The following SVOPL variants were observed in gnomAD, a reference collection of about 807,000 sequenced individuals.
SVOPL encodes the protein putative transporter SVOPL.
SVOPL carries 60 observed loss-of-function variants against 61.0 expected under a neutral mutation model. That is an observed-to-expected ratio of 0.98 (90% CI 0.80 to 1.22). The LOEUF (loss-of-function observed/expected upper bound fraction) is 1.22, where lower values mean the gene tolerates loss of function less well. Ranked by LOEUF, SVOPL falls within the 50% of genes most tolerant of loss-of-function variation. The pLI is 0.00. For synonymous variants in SVOPL, 279 were observed against 250.0 expected, an observed-to-expected ratio of 1.12 and a Z score of -1.09; for missense variants, 662 against 643.9, an observed-to-expected ratio of 1.03 and a Z score of -0.30.
chr7:138,653,932 C>CAAA (rs34826230), intron 7 of SVOPL, among the ~76,000 whole-genome samples: 11 of 132,642 alleles, frequency 8.3e-5, no homozygotes, highest in East Asian at 4.6e-4. Context: ...GACTCTGTCT[C>CAAA]AAAAAAAAAA....
intron 5 of SVOPL, chr7:138,662,837 T>C: frequency 7.3e-7 from 1 of 1,371,896 alleles, no homozygotes; most frequent in Non-Finnish European, 9.4e-7. Context: ...AACTCTATAA[T>C]ACCCGCATCT....
chr7:138,651,199 G>T (rs984862352), intron 7 of SVOPL, among the ~76,000 whole-genome samples: 2 of 152,136 alleles, frequency 1.3e-5, no homozygotes, highest in Admixed American at 6.5e-5. Context: ...CGGTGTGGAA[G>T]AAAGTTTATC....
intron 7 of SVOPL, 66 bp downstream of exon 7, chr7:138,656,382 T>C: frequency 6.7e-7 from 1 of 1,486,160 alleles, no homozygotes; most frequent in Middle Eastern, 1.7e-4. Flanking sequence ...ATTTCCAAGG[T>C]ATGCCTATAT....
chr7:138,627,649 T>G (rs1310724060), intron 11 of SVOPL, among the ~76,000 whole-genome samples, 188 bp from the exon 12 acceptor site: 1 of 152,202 alleles, frequency 6.6e-6, no homozygotes, highest in Non-Finnish European at 1.5e-5. Flanking sequence ...TTTACCCACG[T>G]GGGTCCAGGA....
chr7:138,613,980 A>C (rs1036168900), intron 14 of SVOPL, among the ~76,000 whole-genome samples: 2 of 152,240 alleles, frequency 1.3e-5, no homozygotes, highest in African/African-American at 2.4e-5. Context: ...CTGGCACCTC[A>C]TCTGGCTTAT....
In SVOPL at chr7:138,594,359, CCCA is replaced by C. The variant is rs528690749; in HGVS notation, c.*248_*250del. ...TCAATGAAGAAAAGCCATCTTCCCC[CCCA>C]CCATCTCCCTCTCACACCCCTTTGA... On this transcript the variant is annotated 3_prime_UTR_variant, in exon 16 of 16. Coordinates refer to ENST00000674285, the MANE Select transcript of SVOPL (RefSeq NM_001139456.2). The C allele has an allele frequency of 1.1e-4, 31 of 294,590 alleles. No individual in the cohort carries two copies. Among genetic ancestry groups the C allele is most frequent in the African/African-American group, 6.3e-4 (29 of 46,326 alleles). 18.2% of individuals were successfully genotyped at this position (294,590 alleles called of 1,614,324 possible).
At chr7:138,671,996 C>T (rs943990475) in intron 4 of SVOPL, 23 bp downstream of exon 4, 54 of 1,548,936 alleles carry the variant, frequency 3.5e-5, no homozygotes, top group Middle Eastern at 1.7e-4. Context: ...GCTGTGTTCA[C>T]GGCACAGGGA....
intron 4 of SVOPL, among the ~76,000 whole-genome samples, 173 bp downstream of exon 4, chr7:138,671,846 C>T (rs1361419605): frequency 6.6e-6 from 1 of 152,210 alleles, no homozygotes; most frequent in African/African-American, 2.4e-5. Flanking sequence ...CAACATTAGG[C>T]ATGCTAGGAA....
At chr7:138,643,735 T>G (rs1362506688) in intron 9 of SVOPL, among the ~76,000 whole-genome samples, 1 of 142,816 alleles carries the variant, frequency 7.0e-6, no homozygotes, top group Non-Finnish European at 1.5e-5. Flanking sequence ...AATAGGATAG[T>G]GGTTTTTAGA....
At chr7:138,679,827 G>T (rs2117123605) in intron 1 of SVOPL, among the ~76,000 whole-genome samples, 1 of 152,272 alleles carries the variant, frequency 6.6e-6, no homozygotes, top group Non-Finnish European at 1.5e-5. Flanking sequence ...TCATTATCCT[G>T]AACACTTTAC....
At chr7:138,624,854 C>G (rs538490471) in intron 13 of SVOPL, among the ~76,000 whole-genome samples, 7 of 152,012 alleles carry the variant, frequency 4.6e-5, no homozygotes, top group Non-Finnish European at 8.8e-5. Flanking sequence ...CAGGTACATG[C>G]CCCCATCCCT....
At chr7:138,692,077 G>A (rs1372121301) in intron 1 of SVOPL, among the ~76,000 whole-genome samples, 3 of 152,012 alleles carry the variant, frequency 2.0e-5, no homozygotes, top group East Asian at 1.9e-4. Flanking sequence ...TTGGGAGGCC[G>A]AGGCGGGTGG....
At chr7:138,681,511 T>C (rs1186008429) in intron 1 of SVOPL, among the ~76,000 whole-genome samples, 2 of 152,130 alleles carry the variant, frequency 1.3e-5, no homozygotes, top group East Asian at 3.9e-4. Flanking sequence ...CCCCTGGGGT[T>C]GTAATGAAAG....
chr7:138,649,738 A>T (rs1194149860), intron 7 of SVOPL, among the ~76,000 whole-genome samples: 1 of 152,236 alleles, frequency 6.6e-6, no homozygotes, highest in Non-Finnish European at 1.5e-5. Flanking sequence ...CTAAAGAGGC[A>T]ATGAATAAGC....
chr7:138,672,670 A>AAGAAG (rs1563133300), intron 3 of SVOPL, among the ~76,000 whole-genome samples: 1 of 145,018 alleles, frequency 6.9e-6, no homozygotes, highest in African/African-American at 2.6e-5. Context: ...AAAAAAAAAA[A>AAGAAG]AAAAAGAAGC....
intron 5 of SVOPL, chr7:138,662,830 T>G: frequency 9.7e-6 from 13 of 1,333,634 alleles, no homozygotes; most frequent in Non-Finnish European, 1.2e-5. Flanking sequence ...TTCTTAGAAC[T>G]CTATAATACC....
chr7:138,634,190 C>T (rs1015721142), intron 9 of SVOPL, among the ~76,000 whole-genome samples: 1 of 152,154 alleles, frequency 6.6e-6, no homozygotes, highest in African/African-American at 2.4e-5. Context: ...TCCTTGGATC[C>T]TGTTCTTCCT....
At chr7:138,676,190 G>A (rs927180282) in intron 3 of SVOPL, among the ~76,000 whole-genome samples, 1 of 152,152 alleles carries the variant, frequency 6.6e-6, no homozygotes, top group African/African-American at 2.4e-5. Flanking sequence ...CGGGAGTAGT[G>A]GTGTGGGTTC....
intron 8 of SVOPL, 37 bp from the exon 9 acceptor site, chr7:138,644,882 T>C: frequency 6.2e-7 from 1 of 1,613,746 alleles, no homozygotes; most frequent in Non-Finnish European, 8.5e-7. Context: ...GAGTGGCCAC[T>C]GCTATAGAAC....
Sources: allele counts gnomAD v4.1 joint callset (sites outside exome capture counted in the v4.1 genomes callset), GRCh38; gene constraint gnomAD v4.1.1; transcripts MANE v1.5; gene names NCBI Gene and HGNC (gene_info 2026-07-23, HGNC 2026-07-21).